Variants in KCNH1 observed in about 807,000 individuals in gnomAD.
KCNH1 encodes the protein potassium voltage-gated channel subfamily H member 1, also known as voltage-gated delayed rectifier potassium channel KCNH1.
A neutral mutation model predicts 69.2 loss-of-function variants in KCNH1; 27 were observed. The ratio of observed to expected loss-of-function variants is 0.39; its 90% CI spans 0.29 to 0.54. KCNH1 has a LOEUF of 0.54. Among genes scored for constraint, KCNH1 ranks in the 20% least tolerant of loss-of-function variants. The probability of loss-of-function intolerance (pLI) is 0.68; values close to 1 mark genes in which losing one functional copy is unlikely to be tolerated. For missense variants in KCNH1, 798 were observed against 1,261.6 expected, an observed-to-expected ratio of 0.63 and a Z score of 5.57; for synonymous variants, 456 against 487.7, an observed-to-expected ratio of 0.93 and a Z score of 0.86.
At chr1:210,898,831 G>A (rs190244840) in intron 7 of KCNH1, among the ~76,000 whole-genome samples, 88 of 152,278 alleles carry the variant, frequency 5.8e-4, no homozygotes, top group African/African-American at 2.0e-3. Flanking sequence ...ATTCAGGTGT[G>A]GGGTAATGAG....
At chr1:210,883,022 G>A (rs1488302886) in intron 7 of KCNH1, among the ~76,000 whole-genome samples, 1 of 152,176 alleles carries the variant, frequency 6.6e-6, no homozygotes, top group African/African-American at 2.4e-5. Context: ...AGCTGTGGTG[G>A]TGGTTATAAT....
intron 1 of KCNH1, among the ~76,000 whole-genome samples, chr1:211,114,976 T>C (rs901640122): frequency 6.6e-6 from 1 of 152,130 alleles, no homozygotes; most frequent in Non-Finnish European, 1.5e-5. Flanking sequence ...TTTTTGTTTT[T>C]TGTTTTTTTT....
intron 6 of KCNH1, among the ~76,000 whole-genome samples, chr1:210,939,075 C>T (rs1383263541): frequency 3.3e-5 from 5 of 152,108 alleles, no homozygotes; most frequent in South Asian, 4.1e-4. Flanking sequence ...TCCCCATAGG[C>T]GGAGCTGGAC....
In KCNH1 at chr1:210,683,807, T is replaced by C. The variant is rs1574178101; in HGVS notation, c.2444A>G (p.Gln815Arg). ...GCCCAGGCACTCGGACCCTGGCGCCTGTAGCTTTGCGTGGTCTGGCACCCC... is the reference window on the plus strand; with the variant it reads ...GCCCAGGCACTCGGACCCTGGCGCCCGTAGCTTTGCGTGGTCTGGCACCCC... ...TSGVPDHAKL[Q>R]APGSECLGPK... The change falls in exon 11 of 11, where the codon CAG becomes CGG. Residue 815 changes from glutamine (Q) to arginine (R), a missense_variant. By Grantham distance (43) the Gln-to-Arg change is conservative (BLOSUM62 1). This residue lies in a region of KCNH1 where 331 missense variants were observed against 363.2 expected (regional missense o/e 0.91). Transcript: ENST00000271751. This position sits in a 1 kb window ranked among gnomAD's most constrained non-coding sequence, Gnocchi z 5.7. 1 of 1,613,702 alleles carries C rather than the reference T, an allele frequency of 6.2e-7. No individual in the cohort carries two copies. The highest frequency in any genetic ancestry group is 1.3e-5 in the African/African-American group (1 of 74,920).
chr1:210,767,786 C>A (rs1271746713), intron 10 of KCNH1, among the ~76,000 whole-genome samples: 1 of 152,218 alleles, frequency 6.6e-6, no homozygotes, highest in African/African-American at 2.4e-5. Flanking sequence ...AAAGACTGCA[C>A]TAGCCTTATA....
intron 7 of KCNH1, among the ~76,000 whole-genome samples, chr1:210,917,224 AGAGAG>A (rs757409372): frequency 0.061 from 7,200 of 117,910 alleles, 205 homozygotes; most frequent in Admixed American, 0.076. Flanking sequence ...AGAGAGAGAG[AGAGAG>A]AGAAAGAAAG....
chr1:210,841,746 G>A (rs1320591524), intron 7 of KCNH1, among the ~76,000 whole-genome samples: 1 of 152,076 alleles, frequency 6.6e-6, no homozygotes. Flanking sequence ...TTTCCCCTGT[G>A]TATATACATA....
chr1:210,917,791 G>A (rs936753450), intron 7 of KCNH1, among the ~76,000 whole-genome samples: 3 of 152,200 alleles, frequency 2.0e-5, no homozygotes, highest in South Asian at 4.1e-4. Flanking sequence ...CAAAAATGCT[G>A]TAAGTAAGCA....
chr1:210,704,145 C>A (rs543654110), intron 10 of KCNH1, among the ~76,000 whole-genome samples: 4 of 152,194 alleles, frequency 2.6e-5, no homozygotes, highest in African/African-American at 7.2e-5. Flanking sequence ...TCTGGTGCCA[C>A]CTGAGAACAT....
chr1:210,760,173 C>A (rs777946247), intron 10 of KCNH1, among the ~76,000 whole-genome samples: 1 of 152,070 alleles, frequency 6.6e-6, no homozygotes, highest in Admixed American at 6.5e-5. Context: ...TGCTGCTATA[C>A]AAGACAACCA....
intron 7 of KCNH1, among the ~76,000 whole-genome samples, chr1:210,912,884 G>A (rs1286261831): frequency 6.6e-6 from 1 of 152,230 alleles, no homozygotes; most frequent in Non-Finnish European, 1.5e-5. Context: ...CCCTCAGGAA[G>A]CTTAGAGCTT....
intron 5 of KCNH1, among the ~76,000 whole-genome samples, chr1:211,025,370 G>A (rs1379589392): frequency 6.6e-6 from 1 of 152,086 alleles, no homozygotes; most frequent in Non-Finnish European, 1.5e-5. Flanking sequence ...GTGTCAGTGT[G>A]CATCTTTGGG....
chr1:211,060,549 T>C (rs1001437576), intron 5 of KCNH1, among the ~76,000 whole-genome samples: 1 of 149,684 alleles, frequency 6.7e-6, no homozygotes, highest in African/African-American at 2.5e-5. Flanking sequence ...TAAAAGCTGG[T>C]TTTTTGAAAA....
At chr1:210,961,328 G>A (rs1372661168) in intron 6 of KCNH1, among the ~76,000 whole-genome samples, 1 of 151,408 alleles carries the variant, frequency 6.6e-6, no homozygotes, top group African/African-American at 2.4e-5. Flanking sequence ...TTTTTTTCAG[G>A]CATTTTTTTC....
At chr1:210,822,906 C>A (rs1010145207) in intron 7 of KCNH1, among the ~76,000 whole-genome samples, 6 of 152,164 alleles carry the variant, frequency 3.9e-5, no homozygotes, top group Admixed American at 3.9e-4. Flanking sequence ...TGCCTTATTC[C>A]CCCTACCAGA....
At chr1:210,936,553 A>G (rs1285097511) in intron 6 of KCNH1, among the ~76,000 whole-genome samples, 1 of 152,190 alleles carries the variant, frequency 6.6e-6, no homozygotes, top group Non-Finnish European at 1.5e-5. Context: ...CACCCTCTTT[A>G]CTGCTATCTA....
At chr1:211,109,391 G>A (rs1691418806) in intron 1 of KCNH1, among the ~76,000 whole-genome samples, 1 of 152,088 alleles carries the variant, frequency 6.6e-6, no homozygotes, top group African/African-American at 2.4e-5. Flanking sequence ...CCTTCATATT[G>A]GTCTTCTCTC....
At chr1:210,946,235 G>C (rs2102593700) in intron 6 of KCNH1, among the ~76,000 whole-genome samples, 1 of 152,262 alleles carries the variant, frequency 6.6e-6, no homozygotes, top group East Asian at 1.9e-4. Flanking sequence ...CTGAGGCATG[G>C]CTTGTACTTT....
chr1:211,116,250 G>A (rs982736814), intron 1 of KCNH1, among the ~76,000 whole-genome samples: 13 of 152,150 alleles, frequency 8.5e-5, no homozygotes, highest in African/African-American at 3.1e-4. Context: ...TGAGAATAAT[G>A]TTAGACTAAA....
Sources: gnomAD v4.1 joint callset for allele counts (sites outside exome capture counted in the v4.1 genomes callset) on GRCh38, gnomAD v4.1.1 for gene constraint, gnomAD v4.1.1 regional missense constraint, Gnocchi (gnomAD v3.1) non-coding constraint, MANE v1.5 for transcripts, NCBI Gene and HGNC (gene_info 2026-07-23, HGNC 2026-07-21) for gene names.